The following ARB2A variants were observed in gnomAD, a reference collection of about 807,000 sequenced individuals.
ARB2A encodes the protein cotranscriptional regulator ARB2A.
chr5:93,669,741 G>A, the ARB2A span, among the ~76,000 whole-genome samples: 1 of 152,142 alleles, frequency 6.6e-6, no homozygotes. Context: ...CAGCCTGTTA[G>A]TCAACGGTGA....
the ARB2A span, among the ~76,000 whole-genome samples, chr5:93,973,111 G>A: frequency 7.8e-6 from 1 of 127,878 alleles, no homozygotes; most frequent in Middle Eastern, 4.7e-3. Context: ...ACCATGCCCA[G>A]ATAATTTTTA....
At chr5:93,758,864 A>G in the ARB2A span, among the ~76,000 whole-genome samples, 1 of 152,108 alleles carries the variant, frequency 6.6e-6, no homozygotes, top group African/African-American at 2.4e-5. Context: ...AATCAAACCC[A>G]ACCCCAGCAG....
chr5:93,680,722 T>C, the ARB2A span, among the ~76,000 whole-genome samples: 24 of 152,100 alleles, frequency 1.6e-4, 1 homozygote, highest in Non-Finnish European at 5.9e-5. Context: ...GGAAAGAGGA[T>C]TGGCAAACAA....
the ARB2A span, among the ~76,000 whole-genome samples, chr5:93,701,767 A>G: frequency 1.1e-4 from 16 of 152,172 alleles, no homozygotes; most frequent in Admixed American, 8.5e-4. Context: ...CAATGACTGA[A>G]ACAAACTTTT....
the ARB2A span, chr5:93,824,110 A>T: frequency 1.1e-5 from 17 of 1,493,526 alleles, no homozygotes; most frequent in Non-Finnish European, 1.5e-5. Context: ...TAAACCTACA[A>T]GGAGACTGGA....
chr5:93,640,215 G>C, the ARB2A span, among the ~76,000 whole-genome samples: 2 of 151,828 alleles, frequency 1.3e-5, no homozygotes, highest in Admixed American at 1.3e-4. Context: ...TTGGGAGACT[G>C]AGGCAGGGGG....
chr5:93,803,240 G>A, the ARB2A span, among the ~76,000 whole-genome samples: 5 of 152,020 alleles, frequency 3.3e-5, no homozygotes, highest in African/African-American at 1.2e-4. Context: ...ATTTTCTGCA[G>A]CTCTTCAACA....
At chr5:93,881,436 G>T in the ARB2A span, 1 of 1,499,446 alleles carries the variant, frequency 6.7e-7, no homozygotes, top group Non-Finnish European at 9.2e-7. Flanking sequence ...ACAAGGTAAA[G>T]AAAATAGTAA....
the ARB2A span, among the ~76,000 whole-genome samples, chr5:94,043,772 G>A: frequency 3.3e-5 from 5 of 152,170 alleles, no homozygotes; most frequent in Non-Finnish European, 7.3e-5. Flanking sequence ...ACAAATCCAT[G>A]GCTGGGCTCA....
At chr5:93,628,053 T>C in the ARB2A span, among the ~76,000 whole-genome samples, 1 of 16,628 alleles carries the variant, frequency 6.0e-5, no homozygotes, top group Non-Finnish European at 1.2e-4. Flanking sequence ...TGTAGCATAA[T>C]TTTTTTTTTT....
the ARB2A span, among the ~76,000 whole-genome samples, chr5:93,875,903 G>A: frequency 6.6e-6 from 1 of 151,974 alleles, no homozygotes; most frequent in Admixed American, 6.6e-5. Context: ...TGGTCTAAGG[G>A]GAAAAGCAGT....
chr5:93,924,489 A>G, the ARB2A span, among the ~76,000 whole-genome samples: 2 of 152,200 alleles, frequency 1.3e-5, no homozygotes, highest in Non-Finnish European at 2.9e-5. Flanking sequence ...TGGCAGAGAG[A>G]GTGCCAATTT....
chr5:93,923,491 A>C, the ARB2A span, among the ~76,000 whole-genome samples: 1 of 152,170 alleles, frequency 6.6e-6, no homozygotes, highest in African/African-American at 2.4e-5. Context: ...GCATTTTCCA[A>C]ATAACTTTTT....
At chr5:94,047,158 T>C in the ARB2A span, among the ~76,000 whole-genome samples, 28 of 152,326 alleles carry the variant, frequency 1.8e-4, 1 homozygote, top group South Asian at 5.8e-3. Flanking sequence ...TACTTAAAGC[T>C]GAGGAGTCCA....
At chr5:94,000,149 G>C in the ARB2A span, among the ~76,000 whole-genome samples, 1 of 152,188 alleles carries the variant, frequency 6.6e-6, no homozygotes, top group Non-Finnish European at 1.5e-5. Context: ...TTTTCATGTG[G>C]ACGTAAGTTT....
the ARB2A span, among the ~76,000 whole-genome samples, chr5:93,764,845 C>T: frequency 5.3e-4 from 81 of 152,308 alleles, no homozygotes; most frequent in African/African-American, 1.9e-3. Context: ...GCTTATCCAG[C>T]ATGATCAAGT....
chr5:93,628,772 A>C, the ARB2A span, among the ~76,000 whole-genome samples: 1 of 152,244 alleles, frequency 6.6e-6, no homozygotes, highest in Non-Finnish European at 1.5e-5. Flanking sequence ...ACAGAATTGA[A>C]GAAAGTTAGG....
At chr5:94,099,398 G>A in the ARB2A span, among the ~76,000 whole-genome samples, 1 of 151,964 alleles carries the variant, frequency 6.6e-6, no homozygotes, top group Non-Finnish European at 1.5e-5. Flanking sequence ...GTTGAAGTGG[G>A]TGGATCACGA....
the ARB2A span, among the ~76,000 whole-genome samples, chr5:93,676,829 C>A: frequency 6.6e-6 from 1 of 152,212 alleles, no homozygotes; most frequent in African/African-American, 2.4e-5. Flanking sequence ...TGCTGCATCA[C>A]CAGTGCCTCA....
Sources: gnomAD v4.1 joint callset for allele counts (sites outside exome capture counted in the v4.1 genomes callset) on GRCh38, gnomAD v4.1.1 for gene constraint, MANE v1.5 for transcripts, NCBI Gene and HGNC (gene_info 2026-07-23, HGNC 2026-07-21) for gene names.